Variants in STK35 observed in about 807,000 individuals in gnomAD.
STK35 encodes serine/threonine kinase 35.
STK35 carries 17 observed loss-of-function variants against 37.3 expected under a neutral mutation model. The ratio of observed to expected loss-of-function variants is 0.46; its 90% confidence interval spans 0.31 to 0.68. STK35 has a LOEUF of 0.68. Among genes scored for constraint, STK35 ranks in the 30% least tolerant of loss-of-function variants. STK35 has a pLI of 0.05. For missense variants in STK35, 595 were observed against 746.7 expected (o/e 0.80, Z 2.37); for synonymous variants, 385 against 319.1 (o/e 1.21, Z -2.20).
chr20:2,106,745 C>T (rs1054524694), intron 2 of STK35, among the ~76,000 whole-genome samples: 2 of 152,192 alleles, frequency 1.3e-5, no homozygotes, highest in African/African-American at 4.8e-5. Flanking sequence ...TGGTCTTACC[C>T]CATTTTGTTT....
rs1405504308 is a variant in STK35, at chr20:2,117,567, C to T, written c.*37+152C>T. ...TCAAGTGATTCTCGTGCCTCAGCCA[C>T]CTGGGTAGCTGGGATTACAGGCACC... is the stretch of plus-strand genomic sequence containing the variant. On this transcript the variant is annotated intron_variant, in intron 3 of 3. Transcript: ENST00000381482. The surrounding 1 kb of genome is among the most constrained non-coding windows in gnomAD (Gnocchi z 4.4). Among the ~76,000 whole-genome samples the T allele has an allele frequency of 6.6e-6, 1 of 152,172 alleles. No individual in the cohort carries two copies. The highest frequency in any genetic ancestry group is 1.5e-5 in the Non-Finnish European group (1 of 68,034).
intron 2 of STK35, among the ~76,000 whole-genome samples, chr20:2,107,117 G>A (rs1422453809): frequency 6.6e-6 from 1 of 152,190 alleles, no homozygotes; most frequent in African/African-American, 2.4e-5. Flanking sequence ...TTTCCATTGC[G>A]AGAATGCCTG....
rs1985479341 is a variant in STK35 at position 2,104,628 on chromosome 20, AG to A, written c.892+1268del. Among the ~76,000 whole-genome samples the A allele has an allele frequency of 3.3e-5, 5 of 152,144 alleles. No individual in the cohort carries two copies. In the South Asian group the frequency reaches 1.0e-3, roughly 32 times the overall value. On this transcript the variant is annotated intron_variant, in intron 2 of 3. Coordinates refer to ENST00000381482, the MANE Select transcript of STK35 (RefSeq NM_080836.4). ...TGGGTAGGATTTGGGGTGAGTTTGG[AG>A]GGGGTGGTTTCCCAAAATCTTGTTA... is the stretch of plus-strand genomic sequence containing the variant.
At position 2,145,835 on chromosome 20, in the gene STK35, C is replaced by G. The variant is rs1166091160; in HGVS notation, c.*2089C>G. ...CAAATGGGCAAAAACAGTCCCCAAA[C>G]CCAGCACCCCCCTCTCCCTGGCTGC... is the stretch of plus-strand genomic sequence containing the variant. On this transcript the variant is annotated 3_prime_UTR_variant, in exon 4 of 4. Transcript: ENST00000381482. The G allele has an allele frequency of 6.6e-6, 1 of 152,120 alleles. No homozygotes were observed. Among genetic ancestry groups the G allele is most frequent in the African/African-American group, 2.4e-5 (1 of 41,384 alleles). The allele number at this position is 152,120 out of a possible 1,614,324, so 9.4% of individuals were successfully genotyped here. A position where few individuals can be genotyped will look rare whatever the true frequency, so the allele number is the denominator to read the frequency against.
At position 2,116,692 on chromosome 20, in the gene STK35, G is replaced by C; in HGVS notation, c.919G>C (p.Glu307Gln). The change falls in exon 3 of 4, where the codon GAG becomes CAG. Residue 307 changes from glutamate to glutamine, a missense_variant. Physicochemically the swap from Glu to Gln is conservative, Grantham distance 29. Coordinates refer to ENST00000381482, the MANE Select transcript of STK35 (RefSeq NM_080836.4). ...AGAAAGGATCCTGGGTTATGCTGAG[G>C]AGCCCTGCTATCTCTGGTTTGTCAT... ...KGERILGYAE[E>Q]PCYLWFVMEF... 6.2e-7 allele frequency: 1 copy of C among 1,613,976 alleles called. No homozygotes were observed. Among genetic ancestry groups the C allele is most frequent in the Non-Finnish European group, 8.5e-7 (1 of 1,179,864 alleles).
chr20:2,144,201 C>G lies in STK35; in HGVS notation c.*455C>G. 3.7e-6 allele frequency: 1 copy of G among 268,356 alleles called. No individual in the cohort carries two copies. Among genetic ancestry groups the G allele is most frequent in the Non-Finnish European group, 7.2e-6 (1 of 139,254 alleles). The allele number at this position is 268,356 out of a possible 1,614,324, so 16.6% of individuals were successfully genotyped here. A position where few individuals can be genotyped will look rare whatever the true frequency, so the allele number is the denominator to read the frequency against. On this transcript the variant is annotated 3_prime_UTR_variant, in exon 4 of 4. Transcript: ENST00000381482. ...AGTTCTACTTATGACACCTCACTTC[C>G]CTAGAGAAGGCCTGCCTCCCCATAG...
chr20:2,116,594 G>A (rs2122553522), intron 2 of STK35, 72 bp from the exon 3 acceptor site: 1 of 1,479,424 alleles, frequency 6.8e-7, no homozygotes, highest in East Asian at 2.3e-5. Flanking sequence ...TGAATACACT[G>A]CATCCTTTAG....
intron 2 of STK35, among the ~76,000 whole-genome samples, chr20:2,113,729 T>G (rs1220876864): frequency 6.6e-6 from 1 of 152,190 alleles, no homozygotes; most frequent in East Asian, 1.9e-4. Context: ...GGAATGATGA[T>G]GTTAGTGATG....
intron 3 of STK35, among the ~76,000 whole-genome samples, chr20:2,139,325 C>T (rs1036550749): frequency 1.3e-5 from 2 of 152,194 alleles, no homozygotes; most frequent in Admixed American, 6.5e-5. Context: ...GCTGGAAGAC[C>T]GTTCACTGCC....
intron 3 of STK35, among the ~76,000 whole-genome samples, chr20:2,123,088 G>T (rs900984177): frequency 1.3e-5 from 2 of 152,180 alleles, no homozygotes; most frequent in African/African-American, 4.8e-5. Flanking sequence ...GGAGAGTGTT[G>T]TGGGATGAGG....
In STK35 at chr20:2,103,827, T is replaced by G. The variant is rs149295314; in HGVS notation, c.892+462T>G. The stretch of plus-strand genomic sequence containing the variant: ...CCCTCTCCCTGTCTGGTTCCAAGTT[T>G]CCTGACACCCTCCAGCTCCAACCCC... On this transcript the variant is annotated intron_variant, in intron 2 of 3. Coordinates refer to ENST00000381482, the MANE Select transcript of STK35 (RefSeq NM_080836.4). Among the ~76,000 whole-genome samples the G allele has an allele frequency of 2.4e-4, 37 of 152,200 alleles. 2 individuals are homozygous for G. The East Asian group carries it at 7.1e-3, about 29-fold the overall frequency.
intron 3 of STK35, among the ~76,000 whole-genome samples, chr20:2,128,458 C>T (rs550988235): frequency 2.6e-5 from 4 of 152,210 alleles, no homozygotes; most frequent in East Asian, 3.9e-4. Context: ...CCCTTTCCCC[C>T]GTTCCTTCTG....
chr20:2,135,158 C>T (rs1215163814), intron 3 of STK35, among the ~76,000 whole-genome samples: 2 of 152,224 alleles, frequency 1.3e-5, no homozygotes, highest in African/African-American at 2.4e-5. Context: ...ACTTCAGTTC[C>T]TCTTAGTAGG....
chr20:2,106,210 G>A lies in STK35; in HGVS notation c.892+2845G>A, dbSNP rs540429408. On this transcript the variant is annotated intron_variant, in intron 2 of 3. Transcript: ENST00000381482. The stretch of plus-strand genomic sequence containing the variant: ...GTCTTGATCTGTCCTGGGGCCTTGG[G>A]TTTACAGCATGCAAATACCACCCAG... 2.2e-4 allele frequency among the ~76,000 whole-genome samples: 33 copies of A among 152,270 alleles called. No individual in the cohort carries two copies. In the East Asian group the frequency reaches 6.4e-3, roughly 29 times the overall value.
intron 2 of STK35, among the ~76,000 whole-genome samples, chr20:2,107,362 A>G (rs1030481547): frequency 2.6e-5 from 4 of 152,244 alleles, no homozygotes; most frequent in Admixed American, 6.5e-5. Flanking sequence ...ACTCAACTTG[A>G]TAAGACACTA....
rs1431968502 is a variant in STK35, at chr20:2,144,397, G to C, written c.*651G>C. On this transcript the variant is annotated 3_prime_UTR_variant, in exon 4 of 4. Transcript: ENST00000381482. ...AGAACCGCCTGGAAGAGGAAGGCCA[G>C]GGTTTGGCCAGGAGAACTAAGAAGG... is the stretch of plus-strand genomic sequence containing the variant. The C allele has an allele frequency of 6.2e-6, 1 of 161,230 alleles. No homozygotes were observed. Among genetic ancestry groups the C allele is most frequent in the Non-Finnish European group, 1.4e-5 (1 of 73,440 alleles). The allele number at this position is 161,230 out of a possible 1,614,324, so 10.0% of individuals were successfully genotyped here. A position where few individuals can be genotyped will look rare whatever the true frequency, so the allele number is the denominator to read the frequency against.
At chr20:2,105,130 C>G (rs764567241) in intron 2 of STK35, among the ~76,000 whole-genome samples, 1 of 150,666 alleles carries the variant, frequency 6.6e-6, no homozygotes, top group Non-Finnish European at 1.5e-5. Flanking sequence ...GCACTATAAC[C>G]TGGGCGACTG....
At chr20:2,102,355 AG>A (rs897511346) in intron 1 of STK35, among the ~76,000 whole-genome samples, 180 bp downstream of exon 1, 10 of 152,126 alleles carry the variant, frequency 6.6e-5, no homozygotes, top group African/African-American at 2.4e-4. Context: ...GGGCTCCGCT[AG>A]GGCTTAATTC....
intron 3 of STK35, among the ~76,000 whole-genome samples, chr20:2,137,029 C>G (rs924303025): frequency 1.3e-5 from 2 of 152,182 alleles, no homozygotes; most frequent in Non-Finnish European, 2.9e-5. Flanking sequence ...AGGAGGGAGG[C>G]TGTCACCTCA....
Sources: gnomAD v4.1 joint callset for allele counts (sites outside exome capture counted in the v4.1 genomes callset) on GRCh38, gnomAD v4.1.1 for gene constraint, Gnocchi (gnomAD v3.1) non-coding constraint, MANE v1.5 for transcripts, NCBI Gene and HGNC (gene_info 2026-07-23, HGNC 2026-07-21) for gene names.